MICU1: variants seen among roughly 807,000 people sequenced by gnomAD.
MICU1 encodes the protein mitochondrial calcium uptake 1, also known as calcium uptake protein 1, mitochondrial.
In MICU1, 45 loss-of-function variants were observed where a neutral mutation model predicts 56.8. The observed-to-expected ratio is 0.79, with a 90% CI of 0.62 to 1.02. The LOEUF (loss-of-function observed/expected upper bound fraction) is 1.02, where lower values mean the gene tolerates loss of function less well. Ranked by LOEUF, MICU1 falls within the 50% of genes least tolerant of loss-of-function variation. The pLI, the probability that MICU1 is intolerant of heterozygous loss-of-function variation, is 0.00. For missense variants in MICU1, 504 were observed against 587.1 expected (o/e 0.86, Z 1.46); for synonymous variants, 186 against 195.1 (o/e 0.95, Z 0.39).
At chr10:72,372,172 G>T (rs1305692278) in intron 11 of MICU1, among the ~76,000 whole-genome samples, 1 of 151,730 alleles carries the variant, frequency 6.6e-6, no homozygotes, top group Non-Finnish European at 1.5e-5. Context: ...AGTTTGAGAC[G>T]AGCCTGGGCA....
At chr10:72,622,114 G>A (rs957446442) in intron 1 of MICU1, among the ~76,000 whole-genome samples, 5 of 151,896 alleles carry the variant, frequency 3.3e-5, no homozygotes, top group African/African-American at 1.2e-4. Context: ...TAGTAGAAAC[G>A]GGGTTTCACC....
chr10:72,387,100 G>T (rs1034204063), intron 10 of MICU1, among the ~76,000 whole-genome samples: 1 of 152,206 alleles, frequency 6.6e-6, no homozygotes, highest in Non-Finnish European at 1.5e-5. Context: ...AACAGTCCCT[G>T]TGAGGCAATA....
chr10:72,368,486 T>G (rs1401679926), intron 11 of MICU1, 131 bp from the exon 12 acceptor site: 1 of 976,900 alleles, frequency 1.0e-6, no homozygotes, highest in Admixed American at 2.5e-5. Context: ...AATTCTCTTA[T>G]CCTAGAATTC....
intron 10 of MICU1, among the ~76,000 whole-genome samples, chr10:72,403,228 T>C (rs1863515782): frequency 1.3e-5 from 2 of 151,648 alleles, no homozygotes; most frequent in Non-Finnish European, 2.9e-5. Flanking sequence ...GGTGTGGTGG[T>C]GGGAGCCTGT....
intron 1 of MICU1, among the ~76,000 whole-genome samples, chr10:72,583,327 C>T (rs1840956321): frequency 6.7e-6 from 1 of 149,628 alleles, no homozygotes; most frequent in East Asian, 1.9e-4. Context: ...GTTGCCCAGG[C>T]TGGAGTGCAG....
chr10:72,610,164 G>A (rs1030255934), intron 1 of MICU1, among the ~76,000 whole-genome samples: 3 of 151,556 alleles, frequency 2.0e-5, no homozygotes, highest in Admixed American at 6.6e-5. Context: ...AGGAAGCTGA[G>A]GCAGGGGGAT....
At chr10:72,511,951 C>CA (rs1354654040) in intron 5 of MICU1, among the ~76,000 whole-genome samples, 1 of 152,090 alleles carries the variant, frequency 6.6e-6, no homozygotes, top group Non-Finnish European at 1.5e-5. Flanking sequence ...CAGATTCACA[C>CA]ACTAGTCTCC....
At chr10:72,443,273 C>T (rs1461155521) in intron 8 of MICU1, among the ~76,000 whole-genome samples, 17 of 152,124 alleles carry the variant, frequency 1.1e-4, no homozygotes, top group Non-Finnish European at 2.1e-4. Flanking sequence ...GATATTAGCC[C>T]TTTGTCAGAT....
rs563308842 is a variant in MICU1, at chr10:72,386,328, C to T, written c.1181-10456G>A. Among the ~76,000 whole-genome samples, 48 of 152,148 alleles carry T rather than the reference C, an allele frequency of 3.2e-4. No individual in the cohort carries two copies. In the South Asian group the frequency reaches 9.1e-3, roughly 29 times the overall value. ...TTCTGAGTAGCTGGGATTACAGGTG[C>T]CCACCACCACACCAGGCTAATTTTT... On this transcript the variant is annotated intron_variant, in intron 10 of 11. Coordinates refer to ENST00000361114, the MANE Select transcript of MICU1 (RefSeq NM_001195518.2).
At position 72,503,393 on chromosome 10, in the gene MICU1, G is replaced by A. The variant is rs1211252511; in HGVS notation, c.652+4762C>T. The stretch of plus-strand genomic sequence containing the variant: ...TCTTCCCCACCCCCAGCACATAGAC[G>A]ACATTTAGCAATATCTGGAGACAGT... On this transcript the variant is annotated intron_variant, in intron 6 of 11. Coordinates refer to ENST00000361114, the MANE Select transcript of MICU1 (RefSeq NM_001195518.2). Among the ~76,000 whole-genome samples the A allele has an allele frequency of 4.6e-5, 7 of 152,090 alleles. No individual in the cohort carries two copies. In the South Asian group the frequency reaches 1.2e-3, roughly 27 times the overall value.
chr10:72,505,454 T>C (rs1346605714), intron 6 of MICU1, among the ~76,000 whole-genome samples: 1 of 152,148 alleles, frequency 6.6e-6, no homozygotes, highest in Non-Finnish European at 1.5e-5. Context: ...AGTAATCCCA[T>C]TACTGGATAC....
At chr10:72,522,229 A>G (rs1867844625) in intron 5 of MICU1, among the ~76,000 whole-genome samples, 1 of 152,132 alleles carries the variant, frequency 6.6e-6, no homozygotes, top group Admixed American at 6.6e-5. Flanking sequence ...AAAATATAAG[A>G]AAAAAGAAGT....
intron 1 of MICU1, among the ~76,000 whole-genome samples, chr10:72,574,898 CT>C (rs1840702365): frequency 6.6e-6 from 1 of 152,084 alleles, no homozygotes; most frequent in Non-Finnish European, 1.5e-5. Context: ...GGCAAGTGTT[CT>C]TTTGAGAGCA....
chr10:72,437,425 C>A (rs1864769769), intron 8 of MICU1, among the ~76,000 whole-genome samples: 1 of 152,180 alleles, frequency 6.6e-6, no homozygotes, highest in African/African-American at 2.4e-5. Context: ...CAACCGGTAC[C>A]AGCCACTGCA....
At position 72,569,206 on chromosome 10, in the gene MICU1, CATAT is replaced by C. The variant is rs1211580394; in HGVS notation, c.-1-2416_-1-2413del. Among the ~76,000 whole-genome samples the C allele has an allele frequency of 1.5e-3, 103 of 68,022 alleles. 6 individuals are homozygous for C. Among genetic ancestry groups the C allele is most frequent in the Admixed American group, 2.1e-3 (9 of 4,322 alleles). The allele number at this position is 68,022 out of a possible 152,430, so 44.6% of individuals were successfully genotyped here. On this transcript the variant is annotated intron_variant, in intron 1 of 11. Coordinates refer to ENST00000361114, the MANE Select transcript of MICU1 (RefSeq NM_001195518.2). ...ATACATTTCTAAAATCATATATATG[CATAT>C]ATATATATATATATATATATATATA...
chr10:72,436,034 G>C (rs1864704749), intron 8 of MICU1, among the ~76,000 whole-genome samples: 1 of 152,256 alleles, frequency 6.6e-6, no homozygotes, highest in Non-Finnish European at 1.5e-5. Flanking sequence ...GAAGAGAGCA[G>C]TGGTTCTCCC....
At chr10:72,563,583 C>G (rs887863438) in intron 2 of MICU1, among the ~76,000 whole-genome samples, 2 of 152,142 alleles carry the variant, frequency 1.3e-5, no homozygotes, top group Non-Finnish European at 2.9e-5. Context: ...GAAGGGGAAG[C>G]AAGGAAGTTG....
chr10:72,604,093 G>A (rs956943829), intron 1 of MICU1, among the ~76,000 whole-genome samples: 8 of 151,830 alleles, frequency 5.3e-5, no homozygotes, highest in African/African-American at 1.9e-4. Context: ...ATCTGCTAAC[G>A]GAAGTCTCTT....
At chr10:72,466,958 T>C (rs1179548906) in intron 8 of MICU1, among the ~76,000 whole-genome samples, 1 of 152,180 alleles carries the variant, frequency 6.6e-6, no homozygotes, top group Non-Finnish European at 1.5e-5. Context: ...AAAAAGCTCC[T>C]TGATATTTAA....
Sources: allele counts gnomAD v4.1 joint callset (sites outside exome capture counted in the v4.1 genomes callset), GRCh38; gene constraint gnomAD v4.1.1; transcripts MANE v1.5; gene names NCBI Gene and HGNC (gene_info 2026-07-23, HGNC 2026-07-21).